Variants in SEC23IP observed in about 807,000 individuals in gnomAD.
The protein encoded by SEC23IP is SEC23 interacting protein, also known as SEC23-interacting protein.
A neutral mutation model predicts 113.4 loss-of-function variants in SEC23IP; 70 were observed. That is an observed-to-expected ratio of 0.62 (90% CI 0.51 to 0.75). The LOEUF (loss-of-function observed/expected upper bound fraction) is 0.75, where lower values mean the gene tolerates loss of function less well. Among genes scored for constraint, SEC23IP ranks in the 30% least tolerant of loss-of-function variants. The probability of loss-of-function intolerance (pLI) is 0.00; values close to 1 mark genes in which losing one functional copy is unlikely to be tolerated. For synonymous variants in SEC23IP, 398 were observed against 421.0 expected, an observed-to-expected ratio of 0.95 and a Z score of 0.67; for missense variants, 1,160 against 1,204.9, an observed-to-expected ratio of 0.96 and a Z score of 0.55.
rs2246500 is a variant in SEC23IP at position 119,894,913 on chromosome 10, T to A, written c.163+1968T>A. On this transcript the variant is annotated intron_variant, in intron 1 of 18. Transcript: ENST00000369075. ...CAGTCTGTGTGTGTGTGTGTGTGTG[T>A]GTGTGTGTGTGTGTGTGTGTGTGAA... is the stretch of plus-strand genomic sequence containing the variant. Among the ~76,000 whole-genome samples the A allele has an allele frequency of 2.2e-3, 246 of 112,224 alleles. 2 individuals are homozygous for A. The East Asian group carries it at 0.041, about 19-fold the overall frequency. The allele number at this position is 112,224 out of a possible 152,430, so 73.6% of individuals were successfully genotyped here.
chr10:119,915,453 G>T (rs1855019937), intron 7 of SEC23IP, among the ~76,000 whole-genome samples: 1 of 152,140 alleles, frequency 6.6e-6, no homozygotes, highest in African/African-American at 2.4e-5. Flanking sequence ...GGAGCCGGCA[G>T]TGTGATTCCA....
At chr10:119,912,503 C>T (rs1033925821) in intron 6 of SEC23IP, among the ~76,000 whole-genome samples, 2 of 151,984 alleles carry the variant, frequency 1.3e-5, no homozygotes, top group African/African-American at 2.4e-5. Flanking sequence ...TGGGGTACAC[C>T]TGATATTTTG....
intron 1 of SEC23IP, among the ~76,000 whole-genome samples, chr10:119,896,630 G>C (rs1854292857): frequency 6.6e-6 from 1 of 152,204 alleles, no homozygotes; most frequent in African/African-American, 2.4e-5. Context: ...TAGATGACAT[G>C]TGTCCAAATG....
chr10:119,943,108 T>C lies in SEC23IP; in HGVS notation c.*2543T>C, dbSNP rs1170653599. ...GTTTTTATGACTTGAGGCATCTAAC[T>C]ATCTTAATGCTGTACTTTAGTGTTT... On this transcript the variant is annotated 3_prime_UTR_variant, in exon 19 of 19. Coordinates refer to ENST00000369075, the MANE Select transcript of SEC23IP (RefSeq NM_007190.4). 6.6e-6 allele frequency: 1 copy of C among 152,232 alleles called. No individual in the cohort carries two copies. The highest frequency in any genetic ancestry group is 6.5e-5 in the Admixed American group (1 of 15,288). The allele number at this position is 152,232 out of a possible 1,614,324, so 9.4% of individuals were successfully genotyped here.
At chr10:119,907,259 G>GC (rs1339517330) in intron 4 of SEC23IP, among the ~76,000 whole-genome samples, 1 of 151,644 alleles carries the variant, frequency 6.6e-6, no homozygotes, top group African/African-American at 2.4e-5. Flanking sequence ...TCACGCCATT[G>GC]CACTCCAACC....
rs764472032 is a variant in SEC23IP, at chr10:119,932,350, C to G, written c.2758+32C>G. 38 of 1,502,414 alleles carry G rather than the reference C, an allele frequency of 2.5e-5. 1 individual carries two copies. The South Asian group carries it at 3.8e-4, about 15-fold the overall frequency. The allele number at this position is 1,502,414 out of a possible 1,614,324, so 93.1% of individuals were successfully genotyped here. ...TTGACATTTGAGGCATTTTCTAATA[C>G]AAATGTTTCATATGAACATAATACT... On this transcript the variant is annotated intron_variant, in intron 16 of 18. Coordinates refer to ENST00000369075, the MANE Select transcript of SEC23IP (RefSeq NM_007190.4).
chr10:119,930,446 C>G lies in SEC23IP; in HGVS notation c.2572+15C>G. 1 of 1,484,888 alleles carries G rather than the reference C, an allele frequency of 6.7e-7. No individual in the cohort carries two copies. Among genetic ancestry groups the G allele is most frequent in the Non-Finnish European group, 9.3e-7 (1 of 1,071,202 alleles). The allele number at this position is 1,484,888 out of a possible 1,614,324, so 92.0% of individuals were successfully genotyped here. A position where few individuals can be genotyped will look rare whatever the true frequency, so the allele number is the denominator to read the frequency against. Reference sequence around the variant, plus strand: ...ACTTCATTTAGGTAAAAAGCAAATACTATAAAAACTTTTTTTCCTGTCATT... The same window carrying G: ...ACTTCATTTAGGTAAAAAGCAAATAGTATAAAAACTTTTTTTCCTGTCATT... On this transcript the variant is annotated intron_variant, in intron 15 of 18. Coordinates refer to ENST00000369075, the MANE Select transcript of SEC23IP (RefSeq NM_007190.4).
At chr10:119,898,242 A>C in intron 1 of SEC23IP, 185 bp from the exon 2 acceptor site, 1 of 1,068,074 alleles carries the variant, frequency 9.4e-7, no homozygotes, top group Non-Finnish European at 1.2e-6. Flanking sequence ...CATGTTTTCT[A>C]GTTTTTCATT....
At chr10:119,913,888 A>G (rs1012801139) in intron 6 of SEC23IP, among the ~76,000 whole-genome samples, 7 of 151,812 alleles carry the variant, frequency 4.6e-5, no homozygotes, top group Admixed American at 1.3e-4. Flanking sequence ...CTGGTGGCTC[A>G]CGCCTGTAAT....
Position 119,917,819 on chromosome 10 carries a change from T to G in SEC23IP, c.1545-17T>G. ...GTAGATGCTGACTGAATGTGCTGTA[T>G]TTTTCTTTTTAAACAGGAATATTAA... On this transcript the variant is annotated splice_polypyrimidine_tract_variant and intron_variant, in intron 8 of 18. Coordinates refer to ENST00000369075, the MANE Select transcript of SEC23IP (RefSeq NM_007190.4). 6.3e-7 allele frequency: 1 copy of G among 1,598,714 alleles called. No individual in the cohort carries two copies. Among genetic ancestry groups the G allele is most frequent in the Non-Finnish European group, 8.6e-7 (1 of 1,167,322 alleles).
At chr10:119,925,220 C>T (rs1343207923) in intron 12 of SEC23IP, among the ~76,000 whole-genome samples, 1 of 152,172 alleles carries the variant, frequency 6.6e-6, no homozygotes, top group Non-Finnish European at 1.5e-5. Flanking sequence ...GCTCAGGTAG[C>T]TCCCTCATGC....
chr10:119,894,925 TG>T (rs1199730546), intron 1 of SEC23IP, among the ~76,000 whole-genome samples: 1 of 151,620 alleles, frequency 6.6e-6, no homozygotes, highest in East Asian at 1.9e-4. Flanking sequence ...TGTGTGTGTG[TG>T]TGTGTGTGTG....
chr10:119,911,582 C>A (rs570554853), intron 5 of SEC23IP, among the ~76,000 whole-genome samples: 13 of 152,190 alleles, frequency 8.5e-5, no homozygotes, highest in Admixed American at 2.0e-4. Flanking sequence ...CTCAAGCAAT[C>A]CTTCTGCCTC....
chr10:119,919,488 T>C lies in SEC23IP; in HGVS notation c.1917T>C (p.Leu639=), dbSNP rs1321170788. 1 of 1,613,140 alleles carries C rather than the reference T, an allele frequency of 6.2e-7. No homozygotes were observed. The highest frequency in any genetic ancestry group is 8.5e-7 in the Non-Finnish European group (1 of 1,179,748). ...PKLTLDESYD[L]VVENKEVLTL... ...TGACTTTGGATGAGTCGTATGACCTTGTTGTTGAAAATAAAGAAGTCCTAA... is the reference window on the plus strand; with the variant it reads ...TGACTTTGGATGAGTCGTATGACCTCGTTGTTGAAAATAAAGAAGTCCTAA... Residue 639 remains leucine, a synonymous_variant, in exon 11 of 19, where the codon CTT becomes CTC. Coordinates refer to ENST00000369075, the MANE Select transcript of SEC23IP (RefSeq NM_007190.4).
intron 18 of SEC23IP, among the ~76,000 whole-genome samples, chr10:119,938,844 G>T (rs1855876870): frequency 6.6e-6 from 1 of 152,178 alleles, no homozygotes; most frequent in Non-Finnish European, 1.5e-5. Context: ...ACACTTGGCT[G>T]TAAAATTTAG....
Position 119,903,106 on chromosome 10 carries a change from T to G in SEC23IP, c.907+97T>G. On this transcript the variant is annotated intron_variant, in intron 3 of 18. Transcript: ENST00000369075. ...TATTTTCTGTGAATGTCAAATACCT[T>G]AATCCTTATAGACCCCAGACTCTGT... 3.0e-6 allele frequency: 3 copies of G among 996,204 alleles called. No individual in the cohort carries two copies. In the East Asian group the frequency reaches 7.8e-5, roughly 26 times the overall value. The allele number at this position is 996,204 out of a possible 1,614,324, so 61.7% of individuals were successfully genotyped here.
At chr10:119,939,757 G>A (rs980438679) in intron 18 of SEC23IP, among the ~76,000 whole-genome samples, 13 of 152,142 alleles carry the variant, frequency 8.5e-5, no homozygotes, top group East Asian at 3.8e-4. Flanking sequence ...GTGCAGTGGC[G>A]CAATCTTGGC....
At position 119,930,449 on chromosome 10, in the gene SEC23IP, TA is replaced by T. The variant is rs752522447; in HGVS notation, c.2572+23del. On this transcript the variant is annotated intron_variant, in intron 15 of 18. Transcript: ENST00000369075. The stretch of plus-strand genomic sequence containing the variant: ...TCATTTAGGTAAAAAGCAAATACTA[TA>T]AAAACTTTTTTTCCTGTCATTTGTA... 6.8e-7 allele frequency: 1 copy of T among 1,472,738 alleles called. No homozygotes were observed. The highest frequency in any genetic ancestry group is 1.2e-5 in the South Asian group (1 of 85,108). 91.2% of individuals were successfully genotyped at this position (1,472,738 alleles called of 1,614,324 possible). A position where few individuals can be genotyped will look rare whatever the true frequency, so the allele number is the denominator to read the frequency against.
intron 1 of SEC23IP, among the ~76,000 whole-genome samples, chr10:119,897,374 T>G (rs1282324533): frequency 6.6e-6 from 1 of 152,252 alleles, no homozygotes; most frequent in East Asian, 1.9e-4. Context: ...GAGTCGTTAA[T>G]ACCCACAGTG....
Sources: gnomAD v4.1 joint callset for allele counts (sites outside exome capture counted in the v4.1 genomes callset) on GRCh38, gnomAD v4.1.1 for gene constraint, MANE v1.5 for transcripts, NCBI Gene and HGNC (gene_info 2026-07-23, HGNC 2026-07-21) for gene names.